Variants in EPB41L2 observed in about 807,000 individuals in gnomAD.
EPB41L2 encodes the protein band 4.1-like protein 2.
EPB41L2 carries 43 observed loss-of-function variants against 113.0 expected under a neutral mutation model. The observed-to-expected ratio is 0.38, with a 90% CI of 0.30 to 0.49. EPB41L2 has a LOEUF of 0.49. EPB41L2 is among the 20% of genes least tolerant of loss of function. The pLI, the probability that EPB41L2 is intolerant of heterozygous loss-of-function variation, is 0.95. For missense variants in EPB41L2, 1,147 were observed against 1,223.4 expected (o/e 0.94, Z 0.93); for synonymous variants, 442 against 436.7 (o/e 1.01, Z -0.15).
At chr6:131,047,102 C>T (rs2128191156) in intron 1 of EPB41L2, among the ~76,000 whole-genome samples, 1 of 152,208 alleles carries the variant, frequency 6.6e-6, no homozygotes, top group East Asian at 1.9e-4. Flanking sequence ...CCTCAGTTTT[C>T]TTATAGGATA....
chr6:130,987,266 T>G (rs1158224615), intron 1 of EPB41L2, among the ~76,000 whole-genome samples: 1 of 152,200 alleles, frequency 6.6e-6, no homozygotes, highest in East Asian at 1.9e-4. Flanking sequence ...CTGGATCGAA[T>G]AATTACTCTA....
At chr6:130,991,719 A>G (rs1380876221) in intron 1 of EPB41L2, among the ~76,000 whole-genome samples, 2 of 152,176 alleles carry the variant, frequency 1.3e-5, no homozygotes, top group Non-Finnish European at 2.9e-5. Context: ...AAACATTTTG[A>G]GGTGTTCCGC....
chr6:131,021,032 A>G (rs1789358502), intron 1 of EPB41L2, among the ~76,000 whole-genome samples: 1 of 151,930 alleles, frequency 6.6e-6, no homozygotes, highest in African/African-American at 2.4e-5. Flanking sequence ...TCCTAGCCTC[A>G]AGTGATCCTT....
intron 1 of EPB41L2, among the ~76,000 whole-genome samples, chr6:130,984,023 C>T (rs1191020992): frequency 6.6e-6 from 1 of 152,126 alleles, no homozygotes; most frequent in Non-Finnish European, 1.5e-5. Flanking sequence ...CTTTATATCC[C>T]TATTCTATAA....
At chr6:130,872,009 A>T (rs1785856688) in intron 14 of EPB41L2, among the ~76,000 whole-genome samples, 1 of 152,222 alleles carries the variant, frequency 6.6e-6, no homozygotes, top group Non-Finnish European at 1.5e-5. Flanking sequence ...ACAGAATTTT[A>T]AAAATAACAT....
intron 19 of EPB41L2, among the ~76,000 whole-genome samples, chr6:130,854,054 A>G (rs1779529338): frequency 6.6e-6 from 1 of 152,246 alleles, no homozygotes; most frequent in African/African-American, 2.4e-5. Context: ...GTCATCCTTC[A>G]GATTTTAAAC....
intron 1 of EPB41L2, among the ~76,000 whole-genome samples, chr6:131,007,961 C>G (rs1785980138): frequency 6.6e-6 from 1 of 152,194 alleles, no homozygotes; most frequent in South Asian, 2.1e-4. Flanking sequence ...AAATTTGCAG[C>G]CTGACAATGC....
At chr6:130,867,634 T>C (rs1482578069) in intron 15 of EPB41L2, 53 bp from the exon 16 acceptor site, 2 of 1,598,312 alleles carry the variant, frequency 1.3e-6, no homozygotes, top group African/African-American at 1.3e-5. Flanking sequence ...AAAGTAAAAG[T>C]GTTTAATGGA....
chr6:131,018,240 G>A (rs946161084), intron 1 of EPB41L2, among the ~76,000 whole-genome samples: 3 of 152,110 alleles, frequency 2.0e-5, no homozygotes, highest in Non-Finnish European at 4.4e-5. Context: ...CAAGACAGCT[G>A]CCGCAGCTCT....
chr6:130,884,318 A>G (rs1407299774), intron 12 of EPB41L2, among the ~76,000 whole-genome samples: 1 of 152,186 alleles, frequency 6.6e-6, no homozygotes. Context: ...CTGGGCAACA[A>G]GAGCGAAACT....
At chr6:130,862,299 AG>A (rs1447728796) in intron 18 of EPB41L2, among the ~76,000 whole-genome samples, 7 of 89,320 alleles carry the variant, frequency 7.8e-5, no homozygotes, top group African/African-American at 4.7e-4. Context: ...TTCAATGGGG[AG>A]AGGGGGGTGG....
intron 12 of EPB41L2, chr6:130,882,192 C>G (rs780946563): frequency 6.6e-6 from 1 of 152,190 alleles, no homozygotes; most frequent in African/African-American, 2.4e-5. Context: ...TGGATTGTTA[C>G]GGGCAATACA....
intron 1 of EPB41L2, among the ~76,000 whole-genome samples, chr6:130,999,931 T>C (rs1278507114): frequency 6.6e-6 from 1 of 152,156 alleles, no homozygotes; most frequent in Admixed American, 6.6e-5. Flanking sequence ...TATTTCTCAT[T>C]TGCATAAACA....
chr6:131,052,909 T>C (rs576213640), intron 1 of EPB41L2, among the ~76,000 whole-genome samples: 2 of 152,252 alleles, frequency 1.3e-5, no homozygotes, highest in African/African-American at 2.4e-5. Context: ...TATAAATTTT[T>C]TTTTTTGAGG....
intron 1 of EPB41L2, among the ~76,000 whole-genome samples, chr6:131,040,524 T>C (rs1794262240): frequency 6.6e-6 from 1 of 152,208 alleles, no homozygotes; most frequent in Non-Finnish European, 1.5e-5. Context: ...ACCATTTTGC[T>C]ATTCCCAAAG....
At chr6:131,030,650 T>C (rs1036299847) in intron 1 of EPB41L2, among the ~76,000 whole-genome samples, 1 of 152,224 alleles carries the variant, frequency 6.6e-6, no homozygotes, top group Non-Finnish European at 1.5e-5. Context: ...ATTTATATTA[T>C]GATTCCACTA....
intron 1 of EPB41L2, among the ~76,000 whole-genome samples, chr6:131,043,291 ACT>A (rs1794792791): frequency 1.3e-5 from 2 of 151,892 alleles, no homozygotes; most frequent in African/African-American, 4.8e-5. Context: ...ACAGAGTAAG[ACT>A]CTGTCTTAAA....
chr6:130,894,644 A>G (rs1794026829), intron 9 of EPB41L2, among the ~76,000 whole-genome samples: 1 of 152,222 alleles, frequency 6.6e-6, no homozygotes, highest in South Asian at 2.1e-4. Context: ...ACAACGGCTC[A>G]CATAAACCAA....
rs116599212 is a variant in EPB41L2 at position 131,055,845 on chromosome 6, C to T, written c.-15+7310G>A. 3.6e-3 allele frequency among the ~76,000 whole-genome samples: 548 copies of T among 152,124 alleles called. 2 individuals are homozygous for T. Among genetic ancestry groups the T allele is most frequent in the African/African-American group, 0.013 (532 of 41,426 alleles). On this transcript the variant is annotated intron_variant, in intron 1 of 19. Transcript: ENST00000337057. ...GTAGTCTGTGCTGCAAAACCATTAG[C>T]TTCCTTATTTTTTTTTTACATGGTT...
Sources: allele counts gnomAD v4.1 joint callset (sites outside exome capture counted in the v4.1 genomes callset), GRCh38; gene constraint gnomAD v4.1.1; transcripts MANE v1.5; gene names NCBI Gene and HGNC (gene_info 2026-07-23, HGNC 2026-07-21).